ARHGAP6: variants seen among roughly 807,000 people sequenced by gnomAD.
The protein encoded by ARHGAP6 is Rho GTPase activating protein 6.
In ARHGAP6, 16 loss-of-function variants were observed where a neutral mutation model predicts 55.7. The observed-to-expected ratio is 0.29, with a 90% CI of 0.19 to 0.44. ARHGAP6 has a LOEUF of 0.44. Ranked by LOEUF, ARHGAP6 falls within the 20% of genes least tolerant of loss-of-function variation. The pLI is 1.00. For synonymous variants in ARHGAP6, 382 were observed against 360.9 expected (o/e 1.06, Z -0.66); for missense variants, 698 against 808.9 (o/e 0.86, Z 1.66).
rs181408123 is a variant in ARHGAP6, at chrX:11,586,120, T to C, written c.588+78121A>G. 1.9e-4 allele frequency among the ~76,000 whole-genome samples: 21 copies of C among 111,806 alleles called. No individual in the cohort carries two copies. The East Asian group carries it at 2.5e-3, about 13-fold the overall frequency. Reference sequence around the variant, plus strand: ...GGCAGGGTCACAGATCCAAACCATGTCACTCATTCTGTAGGTTGTCTGTTT... The same window carrying C: ...GGCAGGGTCACAGATCCAAACCATGCCACTCATTCTGTAGGTTGTCTGTTT... On this transcript the variant is annotated intron_variant, in intron 1 of 12. Coordinates refer to ENST00000337414, the MANE Select transcript of ARHGAP6 (RefSeq NM_013427.3).
chrX:11,651,248 T>C (rs1036317742), intron 1 of ARHGAP6, among the ~76,000 whole-genome samples: 5 of 111,561 alleles, frequency 4.5e-5, no homozygotes, highest in Non-Finnish European at 9.4e-5. Flanking sequence ...GTATTAAGCC[T>C]AGTACTCATT....
intron 1 of ARHGAP6, among the ~76,000 whole-genome samples, chrX:11,302,744 C>G (rs898954984): frequency 9.0e-6 from 1 of 110,759 alleles, no homozygotes; most frequent in African/African-American, 3.3e-5. Flanking sequence ...CCATTACAAT[C>G]ATTTAGAGAA....
chrX:11,203,912 C>G, intron 2 of ARHGAP6, among the ~76,000 whole-genome samples: 1 of 111,934 alleles, frequency 8.9e-6, no homozygotes, highest in Non-Finnish European at 1.9e-5. Flanking sequence ...CCCTACCTTC[C>G]TTCTGTTCTT....
At position 11,138,135 on chromosome X, in the gene ARHGAP6, T is replaced by G. The variant is rs1297732390; in HGVS notation, c.*728A>C. On this transcript the variant is annotated 3_prime_UTR_variant, in exon 13 of 13. Coordinates refer to ENST00000337414, the MANE Select transcript of ARHGAP6 (RefSeq NM_013427.3). ...TTCTTTGTGAGGCACTGCCTTTTTC[T>G]TGTTTGGTTAACTGAATCCTTTCTA... 1 of 112,565 alleles carries G rather than the reference T, an allele frequency of 8.9e-6. No homozygotes were observed. The highest frequency in any genetic ancestry group is 2.8e-4 in the East Asian group (1 of 3,632). 9.3% of individuals were successfully genotyped at this position (112,565 alleles called of 1,213,427 possible).
At chrX:11,181,095 A>C (rs1403367183) in intron 6 of ARHGAP6, among the ~76,000 whole-genome samples, 1 of 112,143 alleles carries the variant, frequency 8.9e-6, no homozygotes, top group African/African-American at 3.2e-5. Flanking sequence ...TCTGCACAGA[A>C]ATGTTACTGT....
At chrX:11,585,896 G>A (rs2051727651) in intron 1 of ARHGAP6, among the ~76,000 whole-genome samples, 1 of 111,413 alleles carries the variant, frequency 9.0e-6, no homozygotes, top group Admixed American at 9.5e-5. Flanking sequence ...TATTGTCAGA[G>A]CCTATATGTC....
At chrX:11,195,841 C>T (rs1434699609) in intron 3 of ARHGAP6, among the ~76,000 whole-genome samples, 2 of 106,493 alleles carry the variant, frequency 1.9e-5, no homozygotes, top group Admixed American at 1.0e-4. Flanking sequence ...CTAGGCCGGG[C>T]GCGATGGATC....
chrX:11,180,579 A>G (rs1430331301), intron 6 of ARHGAP6, among the ~76,000 whole-genome samples: 1 of 111,905 alleles, frequency 8.9e-6, no homozygotes, highest in African/African-American at 3.3e-5. Flanking sequence ...TAAAATGATG[A>G]GTGAGTTAGG....
rs761588923 is a variant in ARHGAP6, at chrX:11,302,635, C to A, written c.589-47928G>T. Among the ~76,000 whole-genome samples, 5 of 111,158 alleles carry A rather than the reference C, an allele frequency of 4.5e-5. No individual in the cohort carries two copies. In the South Asian group the frequency reaches 2.0e-3, roughly 44 times the overall value. The stretch of plus-strand genomic sequence containing the variant: ...ATTCACGTTACACACACTCACACAC[C>A]CATAACCACGCATGCTTTCTGGGTT... On this transcript the variant is annotated intron_variant, in intron 1 of 12. Transcript: ENST00000337414.
intron 1 of ARHGAP6, among the ~76,000 whole-genome samples, chrX:11,564,766 T>C (rs1271601588): frequency 8.9e-6 from 1 of 111,765 alleles, no homozygotes; most frequent in Admixed American, 9.6e-5. Context: ...CACAGGCTTC[T>C]GGAAGCAAAT....
chrX:11,444,783 C>T (rs184552343), intron 1 of ARHGAP6, among the ~76,000 whole-genome samples: 1 of 112,083 alleles, frequency 8.9e-6, no homozygotes, highest in Non-Finnish European at 1.9e-5. Context: ...AGCAAAGGTA[C>T]ACACCAGAGA....
chrX:11,477,039 T>C lies in ARHGAP6; in HGVS notation c.588+187202A>G, dbSNP rs200059312. Among the ~76,000 whole-genome samples, 22 of 109,508 alleles carry C rather than the reference T, an allele frequency of 2.0e-4. No homozygotes were observed. The East Asian group carries it at 5.4e-3, about 27-fold the overall frequency. On this transcript the variant is annotated intron_variant, in intron 1 of 12. Transcript: ENST00000337414. ...CATTAAAAAATGAAAAGGCAAGACA[T>C]AGACTAGGAAAAAAATATCCACAAT... is the stretch of plus-strand genomic sequence containing the variant.
chrX:11,419,513 T>A (rs1464035854), intron 1 of ARHGAP6, among the ~76,000 whole-genome samples: 1 of 112,336 alleles, frequency 8.9e-6, no homozygotes, highest in South Asian at 3.7e-4. Flanking sequence ...ATACTATGTG[T>A]TATGTTACCA....
At chrX:11,186,738 C>T (rs2046391069) in intron 4 of ARHGAP6, among the ~76,000 whole-genome samples, 1 of 111,843 alleles carries the variant, frequency 8.9e-6, no homozygotes, top group African/African-American at 3.2e-5. Context: ...CCAACCACTT[C>T]ATTTCTTGAA....
intron 1 of ARHGAP6, among the ~76,000 whole-genome samples, chrX:11,412,772 T>C (rs766073925): frequency 1.8e-5 from 2 of 112,329 alleles, no homozygotes; most frequent in Non-Finnish European, 3.8e-5. Context: ...ATATCATAGT[T>C]CTCAAGAAAA....
intron 2 of ARHGAP6, among the ~76,000 whole-genome samples, chrX:11,252,079 C>A (rs1009180197): frequency 1.8e-5 from 2 of 111,959 alleles, no homozygotes; most frequent in African/African-American, 3.2e-5. Flanking sequence ...AACCACACAG[C>A]CTCAGAAATA....
At chrX:11,369,696 A>G (rs1249154218) in intron 1 of ARHGAP6, among the ~76,000 whole-genome samples, 1 of 112,160 alleles carries the variant, frequency 8.9e-6, no homozygotes, top group Non-Finnish European at 1.9e-5. Flanking sequence ...AATGTTCAAA[A>G]CTGGTGGTAG....
intron 1 of ARHGAP6, among the ~76,000 whole-genome samples, chrX:11,389,396 AT>A (rs1208854928): frequency 8.9e-6 from 1 of 112,636 alleles, no homozygotes; most frequent in Non-Finnish European, 1.9e-5. Flanking sequence ...CTTACAGAAA[AT>A]CAAAGCACTA....
rs146385616 is a variant in ARHGAP6, at chrX:11,498,421, G to A, written c.588+165820C>T. Among the ~76,000 whole-genome samples, 324 of 112,129 alleles carry A rather than the reference G, an allele frequency of 2.9e-3. 1 individual carries two copies. The highest frequency in any genetic ancestry group is 9.3e-3 in the African/African-American group (287 of 30,869). On this transcript the variant is annotated intron_variant, in intron 1 of 12. Coordinates refer to ENST00000337414, the MANE Select transcript of ARHGAP6 (RefSeq NM_013427.3). ...TAACTCCAAAAATTTATCTGTGCCT[G>A]TTGCCAGATGACTAAAGAAGGAGGA...
Sources: allele counts gnomAD v4.1 joint callset (sites outside exome capture counted in the v4.1 genomes callset), GRCh38; gene constraint gnomAD v4.1.1; transcripts MANE v1.5; gene names NCBI Gene and HGNC (gene_info 2026-07-23, HGNC 2026-07-21).